Variants in NUDT3 observed in about 807,000 individuals in gnomAD.
NUDT3 encodes diphosphoinositol polyphosphate phosphohydrolase 1.
In NUDT3, 9 loss-of-function variants were observed where a neutral mutation model predicts 23.6. The observed-to-expected ratio is 0.38, with a 90% CI of 0.23 to 0.66. The LOEUF is 0.66. Ranked by LOEUF, NUDT3 falls within the 30% of genes least tolerant of loss-of-function variation. The probability of loss-of-function intolerance (pLI) is 0.52; values close to 1 mark genes in which losing one functional copy is unlikely to be tolerated. For missense variants in NUDT3, 172 were observed against 218.5 expected, an observed-to-expected ratio of 0.79 and a Z score of 1.34; for synonymous variants, 86 against 82.6, an observed-to-expected ratio of 1.04 and a Z score of -0.22.
intron 1 of NUDT3, among the ~76,000 whole-genome samples, chr6:34,361,846 G>A (rs73403937): frequency 0.011 from 1,657 of 152,314 alleles, 22 homozygotes; most frequent in African/African-American, 0.036. Flanking sequence ...GTGGTTGTTA[G>A]GGGTGAGCAG....
chr6:34,290,743 T>C (rs1418753876), intron 4 of NUDT3, among the ~76,000 whole-genome samples: 1 of 147,026 alleles, frequency 6.8e-6, no homozygotes, highest in Non-Finnish European at 1.5e-5. Flanking sequence ...TATGGATGTA[T>C]TATCATTCAC....
intron 1 of NUDT3, among the ~76,000 whole-genome samples, chr6:34,376,772 C>G (rs574638583): frequency 1.3e-5 from 2 of 152,132 alleles, no homozygotes; most frequent in Non-Finnish European, 2.9e-5. Flanking sequence ...TTTCCACAAC[C>G]CTTTGAAGGA....
chr6:34,319,430 T>C (rs1763907604), intron 2 of NUDT3, among the ~76,000 whole-genome samples: 1 of 152,184 alleles, frequency 6.6e-6, no homozygotes, highest in Non-Finnish European at 1.5e-5. Context: ...GAAACTCACA[T>C]TTACCAGTAT....
chr6:34,286,714 T>G lies in NUDT3; in HGVS notation c.*2039A>C, dbSNP rs762396938. 1 of 149,776 alleles carries G rather than the reference T, an allele frequency of 6.7e-6. No individual in the cohort carries two copies. Among genetic ancestry groups the G allele is most frequent in the African/African-American group, 2.5e-5 (1 of 40,536 alleles). The allele number at this position is 149,776 out of a possible 1,614,324, so 9.3% of individuals were successfully genotyped here. A position where few individuals can be genotyped will look rare whatever the true frequency, so the allele number is the denominator to read the frequency against. ...TATCATGGTATCCCAAGAATATAAC[T>G]GCTCTTTGGCTCTGTGTGTGAAGAT... is the stretch of plus-strand genomic sequence containing the variant. On this transcript the variant is annotated 3_prime_UTR_variant, in exon 5 of 5. Coordinates refer to ENST00000607016, the MANE Select transcript of NUDT3 (RefSeq NM_006703.4).
chr6:34,339,511 G>A (rs1162910411), intron 2 of NUDT3, among the ~76,000 whole-genome samples: 2 of 152,204 alleles, frequency 1.3e-5, no homozygotes, highest in African/African-American at 4.8e-5. Flanking sequence ...TCTGGGTTGG[G>A]GTCTGAGATT....
chr6:34,329,501 G>A (rs555557420), intron 2 of NUDT3, among the ~76,000 whole-genome samples: 1 of 152,008 alleles, frequency 6.6e-6, no homozygotes, highest in South Asian at 2.1e-4. Flanking sequence ...GGCTGGTCAC[G>A]AACTCCTGAC....
intron 2 of NUDT3, among the ~76,000 whole-genome samples, chr6:34,336,901 G>T (rs1401197903): frequency 6.6e-6 from 1 of 152,144 alleles, no homozygotes; most frequent in East Asian, 1.9e-4. Context: ...TAAAAAATCA[G>T]ATCTGAAAGC....
At chr6:34,379,625 G>A (rs1764980431) in intron 1 of NUDT3, among the ~76,000 whole-genome samples, 1 of 151,936 alleles carries the variant, frequency 6.6e-6, no homozygotes, top group Admixed American at 6.6e-5. Flanking sequence ...TACCCAGGCT[G>A]GTCTCGAATT....
chr6:34,381,305 C>A (rs1366229346), intron 1 of NUDT3, among the ~76,000 whole-genome samples: 2 of 152,192 alleles, frequency 1.3e-5, no homozygotes, highest in Non-Finnish European at 2.9e-5. Flanking sequence ...GTGTGAGTCA[C>A]TGCACCCGGC....
At chr6:34,306,192 C>G (rs1164834894) in intron 2 of NUDT3, among the ~76,000 whole-genome samples, 1 of 152,168 alleles carries the variant, frequency 6.6e-6, no homozygotes, top group African/African-American at 2.4e-5. Flanking sequence ...CCCCGTAACT[C>G]TGATAATTTT....
intron 1 of NUDT3, among the ~76,000 whole-genome samples, chr6:34,346,377 T>C (rs1764369974): frequency 1.3e-5 from 2 of 152,224 alleles, no homozygotes; most frequent in South Asian, 2.1e-4. Context: ...GGTAAAGTGT[T>C]TGCCAGCCAT....
chr6:34,314,072 G>C (rs1266891069), intron 2 of NUDT3, among the ~76,000 whole-genome samples: 1 of 151,612 alleles, frequency 6.6e-6, no homozygotes, highest in East Asian at 1.9e-4. Flanking sequence ...ACTCCAGCCT[G>C]GGCAATAAGG....
At chr6:34,314,238 T>C (rs1763824718) in intron 2 of NUDT3, among the ~76,000 whole-genome samples, 2 of 150,932 alleles carry the variant, frequency 1.3e-5, no homozygotes, top group African/African-American at 4.9e-5. Context: ...ACCTGGCCAA[T>C]ATGGCAAAAC....
intron 2 of NUDT3, among the ~76,000 whole-genome samples, chr6:34,316,259 T>C (rs1213105555): frequency 2.0e-5 from 3 of 152,190 alleles, no homozygotes; most frequent in African/African-American, 7.2e-5. Flanking sequence ...ACCAAGTCTC[T>C]TAACTGACAG....
At chr6:34,299,915 TA>T (rs1365120128) in intron 2 of NUDT3, among the ~76,000 whole-genome samples, 4 of 129,228 alleles carry the variant, frequency 3.1e-5, no homozygotes, top group African/African-American at 8.5e-5. Flanking sequence ...AAAAAAAAAA[TA>T]TTTTTTTTAT....
chr6:34,333,307 C>A (rs1764157780), intron 2 of NUDT3, among the ~76,000 whole-genome samples: 1 of 152,190 alleles, frequency 6.6e-6, no homozygotes. Context: ...CTGAACAAAG[C>A]TTTAGAACAG....
intron 1 of NUDT3, among the ~76,000 whole-genome samples, chr6:34,364,047 A>T (rs1006562875): frequency 6.6e-6 from 1 of 152,162 alleles, no homozygotes; most frequent in African/African-American, 2.4e-5. Flanking sequence ...AACTAACCAG[A>T]CTGTGTCAAG....
intron 2 of NUDT3, among the ~76,000 whole-genome samples, chr6:34,296,541 T>C (rs1022212376): frequency 6.6e-6 from 1 of 152,144 alleles, no homozygotes; most frequent in African/African-American, 2.4e-5. Context: ...ACCACTGCAC[T>C]CCAGCCTGGG....
At chr6:34,385,800 CA>C (rs1765095885) in intron 1 of NUDT3, among the ~76,000 whole-genome samples, 1 of 151,906 alleles carries the variant, frequency 6.6e-6, no homozygotes, top group Non-Finnish European at 1.5e-5. Flanking sequence ...TCTTGTGCCT[CA>C]GCCTCCCATG....
Sources: gnomAD v4.1 joint callset for allele counts (sites outside exome capture counted in the v4.1 genomes callset) on GRCh38, gnomAD v4.1.1 for gene constraint, MANE v1.5 for transcripts, NCBI Gene and HGNC (gene_info 2026-07-23, HGNC 2026-07-21) for gene names.